Variants in ADAM23 observed in about 807,000 individuals in gnomAD.
ADAM23 encodes disintegrin and metalloproteinase domain-containing protein 23.
A neutral mutation model predicts 120.1 loss-of-function variants in ADAM23; 33 were observed. The observed-to-expected ratio is 0.27, with a 90% CI of 0.21 to 0.37. The LOEUF (loss-of-function observed/expected upper bound fraction) is 0.37. ADAM23 is among the 10% of genes least tolerant of loss of function. The probability of loss-of-function intolerance (pLI) is 1.00; values close to 1 mark genes in which losing one functional copy is unlikely to be tolerated. For synonymous variants in ADAM23, 367 were observed against 375.2 expected (o/e 0.98, Z 0.25); for missense variants, 862 against 1,058.2 (o/e 0.81, Z 2.57).
At chr2:206,595,416 A>G (rs1488896544) in intron 23 of ADAM23, among the ~76,000 whole-genome samples, 1 of 151,086 alleles carries the variant, frequency 6.6e-6, no homozygotes, top group Non-Finnish European at 1.5e-5. Flanking sequence ...GAGGAGACAG[A>G]GATCACTCTG....
At chr2:206,600,570 C>G (rs1698622039) in intron 24 of ADAM23, among the ~76,000 whole-genome samples, 1 of 152,172 alleles carries the variant, frequency 6.6e-6, no homozygotes, top group South Asian at 2.1e-4. Context: ...AATTCTATGA[C>G]TCCGTCTTCA....
At chr2:206,550,188 G>C in intron 9 of ADAM23, 28 bp downstream of exon 9, 2 of 1,371,956 alleles carry the variant, frequency 1.5e-6, no homozygotes, top group Non-Finnish European at 1.0e-6. Context: ...GTGGGTTTTA[G>C]AACAGATAGC....
At chr2:206,470,226 T>C (rs543196471) in intron 2 of ADAM23, among the ~76,000 whole-genome samples, 49 of 152,118 alleles carry the variant, frequency 3.2e-4, no homozygotes, top group Non-Finnish European at 1.0e-4. Flanking sequence ...GAAATAGATA[T>C]ATTCCTCAGA....
intron 2 of ADAM23, among the ~76,000 whole-genome samples, chr2:206,475,721 A>G (rs1326419523): frequency 6.6e-6 from 1 of 151,926 alleles, no homozygotes; most frequent in Non-Finnish European, 1.5e-5. Context: ...CCATCTTGTT[A>G]GTTGGTGAAT....
intron 24 of ADAM23, among the ~76,000 whole-genome samples, chr2:206,599,760 G>A (rs1246152519): frequency 6.6e-6 from 1 of 152,234 alleles, no homozygotes; most frequent in African/African-American, 2.4e-5. Context: ...GATGGTGCAT[G>A]CTAGTGCCAC....
At chr2:206,476,674 C>T (rs999737671) in intron 2 of ADAM23, among the ~76,000 whole-genome samples, 1 of 152,046 alleles carries the variant, frequency 6.6e-6, no homozygotes, top group Non-Finnish European at 1.5e-5. Context: ...GACCCTGGTG[C>T]CAAAAAGGTT....
At position 206,582,169 on chromosome 2, in the gene ADAM23, C is replaced by T. The variant is rs146212244; in HGVS notation, c.1738-5156C>T. Among the ~76,000 whole-genome samples the T allele has an allele frequency of 7.6e-3, 1,161 of 152,254 alleles. 16 individuals carry two copies. Among genetic ancestry groups the T allele is most frequent in the African/African-American group, 0.026 (1,092 of 41,554 alleles). On this transcript the variant is annotated intron_variant, in intron 18 of 25. Transcript: ENST00000264377. The stretch of plus-strand genomic sequence containing the variant: ...CTGGGATTACAGGCGTGAGCCACCA[C>T]GCCCGGCCAACATTTCTTAGGTCAT...
At chr2:206,573,032 C>A in intron 17 of ADAM23, 83 bp from the exon 18 acceptor site, 2 of 1,309,542 alleles carry the variant, frequency 1.5e-6, no homozygotes, top group Non-Finnish European at 2.2e-6. Context: ...AGAGTATAGG[C>A]ATTGTCGGTG....
chr2:206,607,470 T>G (rs1698749984), intron 24 of ADAM23, among the ~76,000 whole-genome samples: 1 of 152,238 alleles, frequency 6.6e-6, no homozygotes, highest in Non-Finnish European at 1.5e-5. Flanking sequence ...TTTGGTGTCC[T>G]TAAATGTACT....
chr2:206,565,077 T>A lies in ADAM23; in HGVS notation c.1394+9T>A, dbSNP rs369749931. 4.3e-6 allele frequency: 7 copies of A among 1,613,874 alleles called. No individual in the cohort carries two copies. The highest frequency in any genetic ancestry group is 5.9e-6 in the Non-Finnish European group (7 of 1,179,888). ...ATCATGGAGGAAACAGGGTAAATTT[T>A]CATTATGCGTGCATTTGATATATGC... On this transcript the variant is annotated intron_variant, in intron 14 of 25. Transcript: ENST00000264377.
intron 3 of ADAM23, among the ~76,000 whole-genome samples, chr2:206,510,466 C>A (rs1004436377): frequency 1.3e-5 from 2 of 151,636 alleles, no homozygotes; most frequent in African/African-American, 4.9e-5. Context: ...TTTTACATTG[C>A]CAAGATTTAT....
At chr2:206,466,320 G>C (rs1196297874) in intron 2 of ADAM23, among the ~76,000 whole-genome samples, 1 of 152,174 alleles carries the variant, frequency 6.6e-6, no homozygotes, top group African/African-American at 2.4e-5. Context: ...AGAAAGTGAT[G>C]CTCTTGGACT....
chr2:206,537,418 G>T (rs1697199394), intron 4 of ADAM23, among the ~76,000 whole-genome samples: 1 of 152,094 alleles, frequency 6.6e-6, no homozygotes, highest in African/African-American at 2.4e-5. Context: ...CCTGTCCAGT[G>T]TATGAGTAAG....
intron 2 of ADAM23, among the ~76,000 whole-genome samples, chr2:206,474,433 CT>C (rs1695732876): frequency 3.9e-5 from 6 of 152,174 alleles, no homozygotes; most frequent in African/African-American, 1.4e-4. Flanking sequence ...GCTAACTATC[CT>C]GGGAGGGAAC....
At chr2:206,486,086 T>C (rs1487068262) in intron 3 of ADAM23, among the ~76,000 whole-genome samples, 1 of 152,208 alleles carries the variant, frequency 6.6e-6, no homozygotes, top group Non-Finnish European at 1.5e-5. Flanking sequence ...AGTCAGGCGA[T>C]GAAGGACTGT....
intron 2 of ADAM23, among the ~76,000 whole-genome samples, chr2:206,479,088 C>A (rs1695842420): frequency 6.6e-6 from 1 of 152,156 alleles, no homozygotes; most frequent in South Asian, 2.1e-4. Context: ...TGATTGAATG[C>A]AAAAGCAAAA....
chr2:206,522,781 G>A (rs1356859505), intron 3 of ADAM23, among the ~76,000 whole-genome samples: 1 of 150,908 alleles, frequency 6.6e-6, no homozygotes, highest in Non-Finnish European at 1.5e-5. Flanking sequence ...TTTTTTATTT[G>A]GATCCAGTTT....
In ADAM23 at chr2:206,620,157, A is replaced by G. The variant is rs766505658; in HGVS notation, c.*2530A>G. Reference sequence around the variant, plus strand: ...GAAACAAAATCATGTTGGTTACAAAACAAATTAAATCTCTATTGTTAACTT... The same window carrying G: ...GAAACAAAATCATGTTGGTTACAAAGCAAATTAAATCTCTATTGTTAACTT... On this transcript the variant is annotated 3_prime_UTR_variant, in exon 26 of 26. Transcript: ENST00000264377. 1 of 152,220 alleles carries G rather than the reference A, an allele frequency of 6.6e-6. No individual in the cohort carries two copies. The highest frequency in any genetic ancestry group is 1.5e-5 in the Non-Finnish European group (1 of 68,038). 9.4% of individuals were successfully genotyped at this position (152,220 alleles called of 1,614,324 possible).
intron 3 of ADAM23, among the ~76,000 whole-genome samples, chr2:206,497,284 C>T (rs1417025593): frequency 1.3e-5 from 2 of 152,154 alleles, no homozygotes; most frequent in Non-Finnish European, 1.5e-5. Context: ...TCCAGCAACA[C>T]ATCAAAAAGC....
Sources: gnomAD v4.1 joint callset for allele counts (sites outside exome capture counted in the v4.1 genomes callset) on GRCh38, gnomAD v4.1.1 for gene constraint, MANE v1.5 for transcripts, NCBI Gene and HGNC (gene_info 2026-07-23, HGNC 2026-07-21) for gene names.